The following DNAH17 variants were observed in gnomAD, a reference collection of about 807,000 sequenced individuals.
DNAH17 encodes dynein axonemal heavy chain 17.
Under a neutral mutation model 485.6 loss-of-function variants are expected in DNAH17, and 376 were observed. That is an observed-to-expected ratio of 0.77 (90% CI 0.71 to 0.84). DNAH17 has a LOEUF of 0.84. Ranked by LOEUF, DNAH17 falls within the 40% of genes least tolerant of loss-of-function variation. DNAH17 has a pLI of 0.00. For synonymous variants in DNAH17, 3,031 were observed against 2,405.9 expected (o/e 1.26, Z -7.60); for missense variants, 6,370 against 5,839.3 (o/e 1.09, Z -2.96).
chr17:78,514,195 G>A (rs1008431875), intron 26 of DNAH17, among the ~76,000 whole-genome samples: 2 of 152,002 alleles, frequency 1.3e-5, no homozygotes, highest in Admixed American at 6.6e-5. Flanking sequence ...ATGGAAATGC[G>A]GGAACTCCTG....
At chr17:78,569,747 C>T (rs531176736) in intron 7 of DNAH17, among the ~76,000 whole-genome samples, 13 of 152,202 alleles carry the variant, frequency 8.5e-5, no homozygotes, top group Non-Finnish European at 1.6e-4. Context: ...GGGTGGGGGT[C>T]GCAGATGATG....
chr17:78,461,843 G>A (rs893199382), intron 57 of DNAH17, 135 bp from the exon 58 acceptor site: 93 of 746,686 alleles, frequency 1.2e-4, no homozygotes, highest in African/African-American at 1.2e-3. Flanking sequence ...CCAGTGACTC[G>A]TTTTGGAGAG....
chr17:78,539,409 C>G (rs1335198490), intron 18 of DNAH17, among the ~76,000 whole-genome samples: 1 of 152,094 alleles, frequency 6.6e-6, no homozygotes, highest in Non-Finnish European at 1.5e-5. Context: ...ACCCTCCCCC[C>G]AATCCACATG....
chr17:78,426,938 G>C lies in DNAH17; in HGVS notation c.12759C>G (p.Asn4253Lys), dbSNP rs1568035163. Residue 4253 changes from asparagine to lysine, a missense_variant, in exon 78 of 81, where the codon AAC (asparagine) becomes AAG (lysine). Coordinates refer to ENST00000389840, the MANE Select transcript of DNAH17 (RefSeq NM_173628.4). ...GACCCATGTTTACCTTCAGCCCCAG[G>C]TTCAGCTCCTTGAGCGAACGGCGCA... Reference protein sequence around the residue: ...NEMRRSLKELNLGLKGELTIT... With the variant: ...NEMRRSLKELKLGLKGELTIT... 6.2e-7 allele frequency: 1 copy of C among 1,605,692 alleles called. No homozygotes were observed. The highest frequency in any genetic ancestry group is 1.7e-5 in the Admixed American group (1 of 58,830).
chr17:78,569,577 G>GC, intron 7 of DNAH17, 50 bp from the exon 8 acceptor site: 1 of 1,567,640 alleles, frequency 6.4e-7, no homozygotes, highest in Non-Finnish European at 8.6e-7. Flanking sequence ...GCCATTTGGG[G>GC]TGACGTCCAG....
intron 4 of DNAH17, 63 bp downstream of exon 4, chr17:78,571,527 G>C (rs1210507979): frequency 4.4e-6 from 7 of 1,585,364 alleles, no homozygotes; most frequent in Non-Finnish European, 6.1e-6. Flanking sequence ...GGGAGGCGGA[G>C]AGCTCGGCCC....
intron 65 of DNAH17, among the ~76,000 whole-genome samples, chr17:78,452,613 C>G (rs181787886): frequency 1.3e-5 from 2 of 152,292 alleles, no homozygotes; most frequent in Admixed American, 6.5e-5. Context: ...TGGTGTGTTC[C>G]TGTAATCCCA....
chr17:78,572,648 G>GC, intron 3 of DNAH17, 53 bp downstream of exon 3: 1 of 1,491,070 alleles, frequency 6.7e-7, no homozygotes, highest in South Asian at 1.3e-5. Flanking sequence ...TGGGGGTCAA[G>GC]CATGTGCCTC....
chr17:78,516,691 GA>G (rs1168693263), intron 25 of DNAH17, among the ~76,000 whole-genome samples: 5,622 of 88,662 alleles, frequency 0.063, 128 homozygotes, highest in African/African-American at 0.11. Flanking sequence ...CTCCATCTCA[GA>G]AAAAAAAAAA....
At chr17:78,540,447 A>ATGGGTGGGTGGGTGGATGGG (rs1555687970) in intron 17 of DNAH17, among the ~76,000 whole-genome samples, 1 of 6,316 alleles carries the variant, frequency 1.6e-4, no homozygotes, top group East Asian at 6.3e-3. Flanking sequence ...GGATGGATGG[A>ATGGGTGGGTGGGTGGATGGG]TGGGTGGGTG....
intron 58 of DNAH17, 35 bp from the exon 59 acceptor site, chr17:78,460,292 G>A (rs1356769297): frequency 6.5e-6 from 10 of 1,548,506 alleles, no homozygotes; most frequent in Non-Finnish European, 8.7e-6. Flanking sequence ...GTTACTGCAG[G>A]CCTGTCCATG....
chr17:78,492,056 G>A (rs1269814539), intron 42 of DNAH17, among the ~76,000 whole-genome samples: 4 of 152,148 alleles, frequency 2.6e-5, no homozygotes, highest in South Asian at 2.1e-4. Flanking sequence ...CAGGGAAAGC[G>A]GGTCAGGGGT....
rs2088963676 is a variant in DNAH17, at chr17:78,475,313, T to C, written c.8476A>G (p.Thr2826Ala). The change falls in exon 54 of 81, where the codon ACC becomes GCC. Residue 2826 changes from threonine to alanine, a missense_variant. Thr to Ala is a moderately conservative substitution (Grantham distance 58, BLOSUM62 0). Transcript: ENST00000389840. ...GGGATCCCGTAGCCCTTCTTGAGGG[T>C]GATCTGAAACACGTCAAGCCCGCTG... ...YISGLDVFQI[T>A]LKKGYGIPDL... 1 of 1,613,920 alleles carries C rather than the reference T, an allele frequency of 6.2e-7. No individual in the cohort carries two copies. Among genetic ancestry groups the C allele is most frequent in the African/African-American group, 1.3e-5 (1 of 75,024 alleles).
At chr17:78,552,384 CTGTGCATGCTT>C (rs1244551981) in intron 15 of DNAH17, among the ~76,000 whole-genome samples, 1 of 152,154 alleles carries the variant, frequency 6.6e-6, no homozygotes, top group East Asian at 1.9e-4. Flanking sequence ...TGTGCATGCT[CTGTGCATGCTT>C]GATAAACCAA....
intron 11 of DNAH17, among the ~76,000 whole-genome samples, chr17:78,563,875 G>A (rs1020119408): frequency 9.2e-5 from 14 of 152,146 alleles, no homozygotes; most frequent in African/African-American, 3.1e-4. Context: ...AACAGATGGC[G>A]ATGGAAATGG....
Position 78,451,562 on chromosome 17 carries a change from G to T in DNAH17, c.10641C>A (p.Thr3547=). 1.2e-6 allele frequency: 2 copies of T among 1,613,696 alleles called. No homozygotes were observed. Among genetic ancestry groups the T allele is most frequent in the South Asian group, 2.2e-5 (2 of 91,084 alleles). The change falls in exon 66 of 81, where the codon ACC becomes ACA. Residue 3547 remains threonine (T), a synonymous_variant. Coordinates refer to ENST00000389840, the MANE Select transcript of DNAH17 (RefSeq NM_173628.4). ...CCCTGGTGACCAGGAAGTTGATGAG[G>T]GTGCACTGAGCCTGCATCTCTGGCT... is the stretch of plus-strand genomic sequence containing the variant. The part of the protein sequence containing the change: ...HYKPEMQAQC[T]LINFLVTRDG...
intron 11 of DNAH17, among the ~76,000 whole-genome samples, chr17:78,562,437 AAATACAAAG>A (rs2092177073): frequency 2.0e-5 from 3 of 152,256 alleles, no homozygotes; most frequent in Admixed American, 1.3e-4. Context: ...TAAAAATAAA[AAATACAAAG>A]AATACATGAA....
In DNAH17 at chr17:78,485,659, C is replaced by G; in HGVS notation, c.7374G>C (p.Gly2458=). ...CCCCCATCAGCACCGACTTGCCCGT[C>G]CCCGCGTTCCCCACCAGCATCACCG... ...SWPVMLVGNA[G]TGKSVLMGDK... Residue 2458 remains glycine, a synonymous_variant, in exon 47 of 81, where the codon GGG becomes GGC. Coordinates refer to ENST00000389840, the MANE Select transcript of DNAH17 (RefSeq NM_173628.4). 6.2e-7 allele frequency: 1 copy of G among 1,614,000 alleles called. No individual in the cohort carries two copies. Among genetic ancestry groups the G allele is most frequent in the Non-Finnish European group, 8.5e-7 (1 of 1,179,888 alleles).
intron 25 of DNAH17, among the ~76,000 whole-genome samples, chr17:78,519,569 A>G (rs2090882049): frequency 1.3e-5 from 2 of 152,274 alleles, no homozygotes; most frequent in Admixed American, 1.3e-4. Context: ...GAGTGAAGAC[A>G]TAAGTCACCA....
Sources: gnomAD v4.1 joint callset for allele counts (sites outside exome capture counted in the v4.1 genomes callset) on GRCh38, gnomAD v4.1.1 for gene constraint, MANE v1.5 for transcripts, NCBI Gene and HGNC (gene_info 2026-07-23, HGNC 2026-07-21) for gene names.